The following CCNB3 variants were observed in gnomAD, a reference collection of about 807,000 sequenced individuals.
The protein encoded by CCNB3 is cyclin B3.
In CCNB3, 12 loss-of-function variants were observed where a neutral mutation model predicts 68.0. That is an observed-to-expected ratio of 0.18 (90% confidence interval 0.11 to 0.29). CCNB3 has a LOEUF of 0.29. Ranked by LOEUF, CCNB3 falls within the 10% of genes least tolerant of loss-of-function variation. The probability of loss-of-function intolerance (pLI) is 1.00; values close to 1 mark genes in which losing one functional copy is unlikely to be tolerated. For synonymous variants in CCNB3, 354 were observed against 388.9 expected, an observed-to-expected ratio of 0.91 and a Z score of 1.06; for missense variants, 904 against 993.1, an observed-to-expected ratio of 0.91 and a Z score of 1.21.
At chrX:50,338,289 T>C (rs919487376) in intron 8 of CCNB3, among the ~76,000 whole-genome samples, 6 of 112,208 alleles carry the variant, frequency 5.3e-5, no homozygotes, top group African/African-American at 1.9e-4. Context: ...CAAGAACCTC[T>C]CAGACACCGA....
chrX:50,226,662 A>C (rs1222745188), intron 1 of CCNB3, among the ~76,000 whole-genome samples: 3 of 73,787 alleles, frequency 4.1e-5, no homozygotes, highest in African/African-American at 2.1e-4. Flanking sequence ...TATATCTATA[A>C]ATATATATAG....
chrX:50,317,995 G>A (rs782347301), intron 8 of CCNB3, among the ~76,000 whole-genome samples: 3 of 110,888 alleles, frequency 2.7e-5, no homozygotes, highest in Admixed American at 9.6e-5. Context: ...GCATATGAGT[G>A]TCTAATTGTT....
chrX:50,311,516 CTTAAA>C lies in CCNB3; in HGVS notation c.3327+24_3327+28del. 9.2e-7 allele frequency: 1 copy of C among 1,082,226 alleles called. No homozygotes were observed. The highest frequency in any genetic ancestry group is 1.8e-5 in the African/African-American group (1 of 54,210). 89.2% of individuals were successfully genotyped at this position (1,082,226 alleles called of 1,213,427 possible). A position where few individuals can be genotyped will look rare whatever the true frequency, so the allele number is the denominator to read the frequency against. ...AAGGAGGTATTCATCTCCCTTTCTT[CTTAAA>C]TTAGATAAATTGTTCTTTGATATCC... On this transcript the variant is annotated intron_variant, in intron 6 of 12. Transcript: ENST00000376042.
At position 50,308,660 on chromosome X, in the gene CCNB3, C is replaced by A; in HGVS notation, c.491C>A (p.Pro164His). ...FRKPLVLKEE[P>H]TIEDETLINK... ...AAGCCATTAGTTTTAAAGGAGGAAC[C>A]CACTATTGAGGATGAAACCCTTATC... is the stretch of plus-strand genomic sequence containing the variant. Residue 164 changes from proline to histidine, a missense_variant, in exon 6 of 13, where the codon CCC (proline) becomes CAC (histidine). Pro to His is a moderately conservative substitution (Grantham distance 77). Coordinates refer to ENST00000376042, the MANE Select transcript of CCNB3 (RefSeq NM_033031.3). The A allele has an allele frequency of 8.3e-7, 1 of 1,210,498 alleles. No homozygotes were observed. The highest frequency in any genetic ancestry group is 3.0e-5 in the East Asian group (1 of 33,817).
chrX:50,205,804 A>C (rs1264505021), intron 1 of CCNB3, among the ~76,000 whole-genome samples: 3 of 107,399 alleles, frequency 2.8e-5, no homozygotes, highest in African/African-American at 1.0e-4. Flanking sequence ...CAATACAAAA[A>C]TTAGCTGGGC....
At chrX:50,348,202 A>G (rs2147106242) in intron 11 of CCNB3, among the ~76,000 whole-genome samples, 1 of 111,327 alleles carries the variant, frequency 9.0e-6, no homozygotes, top group African/African-American at 3.3e-5. Flanking sequence ...TAGTGAAAGC[A>G]ACTGTCTGTG....
chrX:50,349,514 T>A (rs782203055), intron 11 of CCNB3, among the ~76,000 whole-genome samples: 1 of 112,130 alleles, frequency 8.9e-6, no homozygotes, highest in East Asian at 2.8e-4. Flanking sequence ...AATATAAAGG[T>A]GGGAACACCA....
chrX:50,300,273 GGTT>G (rs1471596638), intron 5 of CCNB3, among the ~76,000 whole-genome samples: 8 of 110,943 alleles, frequency 7.2e-5, no homozygotes, highest in Admixed American at 2.9e-4. Flanking sequence ...GGCTGGTACC[GGTT>G]GTTCCTTTCC....
chrX:50,338,545 G>A (rs782515598), intron 8 of CCNB3, among the ~76,000 whole-genome samples: 63 of 111,994 alleles, frequency 5.6e-4, no homozygotes, highest in Non-Finnish European at 1.1e-3. Context: ...ACAATGTCTG[G>A]TATCTATAGA....
At chrX:50,350,133 T>C (rs1442024916) in intron 11 of CCNB3, among the ~76,000 whole-genome samples, 2 of 111,072 alleles carry the variant, frequency 1.8e-5, no homozygotes, top group African/African-American at 6.6e-5. Context: ...AGGTCCCTCA[T>C]TCATTTTTGT....
At chrX:50,330,010 C>A (rs1312976292) in intron 8 of CCNB3, among the ~76,000 whole-genome samples, 1 of 111,655 alleles carries the variant, frequency 9.0e-6, no homozygotes, top group African/African-American at 3.3e-5. Context: ...TGTAGCAGGA[C>A]GAGTCGCAGA....
At chrX:50,218,349 G>T (rs1935613438) in intron 1 of CCNB3, among the ~76,000 whole-genome samples, 1 of 111,221 alleles carries the variant, frequency 9.0e-6, no homozygotes, top group Non-Finnish European at 1.9e-5. Context: ...TGTTACATCG[G>T]TATACATGTG....
chrX:50,310,577 C>T lies in CCNB3; in HGVS notation c.2408C>T (p.Ala803Val). ...EGETLFKKLLAMQEEPSIEKE... is the reference protein window; with the variant it reads ...EGETLFKKLLVMQEEPSIEKE... ...GAGACCCTCTTCAAGAAGCTTTTGG[C>T]CATGCAGGAGGAGCCCAGCATTGAG... The change falls in exon 6 of 13, where the codon GCC becomes GTC. Residue 803 changes from alanine (A) to valine (V), a missense_variant. Physicochemically the swap from Ala to Val is moderately conservative, Grantham distance 64. This residue lies in a region of CCNB3 where 619 missense variants were observed against 609.8 expected (regional missense o/e 1.02). Transcript: ENST00000376042. 8.3e-7 allele frequency: 1 copy of T among 1,211,492 alleles called. No individual in the cohort carries two copies. Among genetic ancestry groups the T allele is most frequent in the Non-Finnish European group, 1.1e-6 (1 of 895,421 alleles).
chrX:50,326,448 C>T (rs1557217308), intron 8 of CCNB3, among the ~76,000 whole-genome samples: 1 of 111,199 alleles, frequency 9.0e-6, no homozygotes, highest in African/African-American at 3.3e-5. Flanking sequence ...ACATTATTAC[C>T]CGTCTTCCTT....
chrX:50,294,884 C>G lies in CCNB3; in HGVS notation c.226C>G (p.Gln76Glu). ...LTNASQCQPV[Q>E]PKKEANKEFV... ...GCAGGCTTCTCAATGTCAACCTGTC[C>G]AGCCCAAGAAAGAAGCCAATAAAGA... The change falls in exon 5 of 13, where the codon CAG becomes GAG. Residue 76 changes from glutamine to glutamate, a missense_variant. By Grantham distance (29) the Gln-to-Glu change is conservative. This residue lies in a region of CCNB3 where 619 missense variants were observed against 609.8 expected (regional missense o/e 1.02). Transcript: ENST00000376042. 1 of 1,207,906 alleles carries G rather than the reference C, an allele frequency of 8.3e-7. No individual in the cohort carries two copies. Among genetic ancestry groups the G allele is most frequent in the Non-Finnish European group, 1.1e-6 (1 of 893,547 alleles).
intron 1 of CCNB3, among the ~76,000 whole-genome samples, chrX:50,227,309 A>C (rs1397959450): frequency 1.2e-5 from 1 of 85,217 alleles, no homozygotes; most frequent in Non-Finnish European, 2.2e-5. Flanking sequence ...ATATATAAAT[A>C]TACATACAGA....
intron 8 of CCNB3, among the ~76,000 whole-genome samples, chrX:50,339,538 A>G (rs1465803877): frequency 1.8e-5 from 2 of 111,944 alleles, no homozygotes; most frequent in African/African-American, 6.5e-5. Flanking sequence ...TTGGCTAGGT[A>G]TGATGGCTCA....
chrX:50,303,123 G>A (rs1936687650), intron 5 of CCNB3, among the ~76,000 whole-genome samples: 1 of 110,549 alleles, frequency 9.0e-6, no homozygotes, highest in Admixed American at 9.6e-5. Flanking sequence ...TAGCCACTGT[G>A]GAATGGTGGC....
At chrX:50,227,000 T>C (rs1935858716) in intron 1 of CCNB3, among the ~76,000 whole-genome samples, 1 of 74,574 alleles carries the variant, frequency 1.3e-5, no homozygotes, top group African/African-American at 5.6e-5. Flanking sequence ...AATATATAAA[T>C]ATATAGAAAA....
Sources: allele counts gnomAD v4.1 joint callset (sites outside exome capture counted in the v4.1 genomes callset), GRCh38; gene constraint gnomAD v4.1.1; regional missense constraint gnomAD v4.1.1; transcripts MANE v1.5; gene names NCBI Gene and HGNC (gene_info 2026-07-23, HGNC 2026-07-21).